Variants in VIT observed in about 807,000 individuals in gnomAD.
VIT encodes the protein vitrin.
In VIT, 99 loss-of-function variants were observed where a neutral mutation model predicts 78.0. The ratio of observed to expected loss-of-function variants is 1.27; its 90% confidence interval spans 1.08 to 1.50. VIT has a LOEUF of 1.50. Among genes scored for constraint, VIT ranks in the 40% most tolerant of loss-of-function variants. The pLI, the probability that VIT is intolerant of heterozygous loss-of-function variation, is 0.00. For missense variants in VIT, 1,126 were observed against 875.3 expected (o/e 1.29, Z -3.61); for synonymous variants, 374 against 334.3 (o/e 1.12, Z -1.29).
At chr2:36,775,666 C>A (rs1321567457) in intron 9 of VIT, among the ~76,000 whole-genome samples, 1 of 152,144 alleles carries the variant, frequency 6.6e-6, no homozygotes, top group Non-Finnish European at 1.5e-5. Flanking sequence ...CACAGATGTT[C>A]CTAGATGTTC....
rs1220784775 is a variant in VIT at position 36,729,421 on chromosome 2, T to C, written c.53-5T>C. 2 of 1,594,686 alleles carry C rather than the reference T, an allele frequency of 1.3e-6. No homozygotes were observed. The highest frequency in any genetic ancestry group is 1.8e-5 in the Admixed American group (1 of 56,408). ...ATTAAATTTTTAAAAATTTTCTTCA[T>C]GTAGTTTTGCTGGTGACTGGAGTAC... On this transcript the variant is annotated splice_region_variant and splice_polypyrimidine_tract_variant and intron_variant, in intron 2 of 15. Coordinates refer to ENST00000379242, the MANE Select transcript of VIT (RefSeq NM_053276.4).
intron 4 of VIT, among the ~76,000 whole-genome samples, chr2:36,749,848 G>T (rs1288121244): frequency 6.6e-6 from 1 of 152,172 alleles, no homozygotes; most frequent in African/African-American, 2.4e-5. Context: ...CCTCTGCAAG[G>T]GAGAGAAAAT....
At chr2:36,794,483 A>T (rs1405007547) in intron 12 of VIT, among the ~76,000 whole-genome samples, 1 of 152,244 alleles carries the variant, frequency 6.6e-6, no homozygotes, top group African/African-American at 2.4e-5. Context: ...CAACCTATGT[A>T]TCTCGGAAAA....
intron 1 of VIT, among the ~76,000 whole-genome samples, chr2:36,701,800 C>A (rs1328582689): frequency 6.6e-6 from 1 of 152,162 alleles, no homozygotes; most frequent in African/African-American, 2.4e-5. Context: ...CGTGTTTATA[C>A]ACCATAGTGA....
At chr2:36,756,034 C>G (rs1054578903) in intron 5 of VIT, among the ~76,000 whole-genome samples, 2 of 147,488 alleles carry the variant, frequency 1.4e-5, no homozygotes, top group African/African-American at 5.0e-5. Flanking sequence ...CTCGGCTCAC[C>G]GCAACCTCTG....
At chr2:36,810,594 C>A (rs1051375314) in intron 15 of VIT, among the ~76,000 whole-genome samples, 3 of 151,950 alleles carry the variant, frequency 2.0e-5, no homozygotes, top group African/African-American at 7.3e-5. Context: ...ACACAACTCA[C>A]TCAGTGCTGT....
At chr2:36,746,933 C>A (rs1383357648) in intron 4 of VIT, among the ~76,000 whole-genome samples, 1 of 152,020 alleles carries the variant, frequency 6.6e-6, no homozygotes, top group Non-Finnish European at 1.5e-5. Context: ...TTGATATAGG[C>A]ATTTTGTACT....
chr2:36,798,035 G>A (rs10167853), intron 12 of VIT, among the ~76,000 whole-genome samples: 10,584 of 152,056 alleles, frequency 0.07, 409 homozygotes, highest in African/African-American at 0.11. Flanking sequence ...AGTGGGAAAG[G>A]GTGAACAGTT....
chr2:36,703,909 G>GTTT (rs770921016), intron 1 of VIT, among the ~76,000 whole-genome samples: 1 of 116,492 alleles, frequency 8.6e-6, no homozygotes, highest in Non-Finnish European at 1.9e-5. Flanking sequence ...TTTGTTTGGG[G>GTTT]TTTTTTTTTG....
At chr2:36,746,103 C>T (rs1184696869) in intron 4 of VIT, among the ~76,000 whole-genome samples, 1 of 152,018 alleles carries the variant, frequency 6.6e-6, no homozygotes, top group Non-Finnish European at 1.5e-5. Flanking sequence ...TATGGTAAAT[C>T]ATTTTTATTG....
At chr2:36,765,102 G>A (rs1669339802) in intron 6 of VIT, among the ~76,000 whole-genome samples, 1 of 152,124 alleles carries the variant, frequency 6.6e-6, no homozygotes. Context: ...AATGTGGGGA[G>A]CCTTTGCTAA....
chr2:36,798,695 G>T (rs1397619394), intron 12 of VIT, among the ~76,000 whole-genome samples: 2 of 152,150 alleles, frequency 1.3e-5, no homozygotes, highest in Non-Finnish European at 2.9e-5. Flanking sequence ...GGAGGCAGAG[G>T]TTGCAGTGAA....
chr2:36,697,887 C>T (rs1021252996), intron 1 of VIT, among the ~76,000 whole-genome samples: 3 of 152,148 alleles, frequency 2.0e-5, no homozygotes, highest in African/African-American at 4.8e-5. Flanking sequence ...TTTGCCGTTA[C>T]GTTGTGTTGC....
At chr2:36,740,587 G>C (rs964162642) in intron 3 of VIT, among the ~76,000 whole-genome samples, 1 of 152,084 alleles carries the variant, frequency 6.6e-6, no homozygotes, top group Non-Finnish European at 1.5e-5. Flanking sequence ...ATGAACACAC[G>C]TGCCTGATTT....
At chr2:36,774,903 A>T (rs1025019354) in intron 8 of VIT, 99 bp from the exon 9 acceptor site, 1 of 1,560,138 alleles carries the variant, frequency 6.4e-7, no homozygotes, top group Admixed American at 1.9e-5. Context: ...ACTTCCAAGG[A>T]AAATCTGAAC....
At chr2:36,761,261 A>C (rs1669100996) in intron 6 of VIT, among the ~76,000 whole-genome samples, 1 of 152,144 alleles carries the variant, frequency 6.6e-6, no homozygotes, top group African/African-American at 2.4e-5. Context: ...AGTGTGAAGG[A>C]AGGGAGAAAA....
At chr2:36,729,565 G>T in intron 3 of VIT, 74 bp downstream of exon 3, 1 of 1,490,422 alleles carries the variant, frequency 6.7e-7, no homozygotes, top group Non-Finnish European at 9.1e-7. Context: ...ACTTGTTTTA[G>T]GTAATTTTTG....
intron 13 of VIT, 108 bp from the exon 14 acceptor site, chr2:36,805,330 A>AATG: frequency 2.4e-6 from 2 of 817,114 alleles, no homozygotes; most frequent in Non-Finnish European, 3.5e-6. Context: ...AAAAAAAACT[A>AATG]GGGAGGGAAT....
At chr2:36,778,246 A>G (rs928380198) in intron 9 of VIT, among the ~76,000 whole-genome samples, 1 of 151,938 alleles carries the variant, frequency 6.6e-6, no homozygotes. Context: ...CAGGCCCCAC[A>G]CTCTCCTACT....
Sources: gnomAD v4.1 joint callset for allele counts (sites outside exome capture counted in the v4.1 genomes callset) on GRCh38, gnomAD v4.1.1 for gene constraint, MANE v1.5 for transcripts, NCBI Gene and HGNC (gene_info 2026-07-23, HGNC 2026-07-21) for gene names.